C6orf52: variants seen among roughly 807,000 people sequenced by gnomAD.
C6orf52 encodes the protein chromosome 6 open reading frame 52.
In C6orf52, 16 loss-of-function variants were observed where a neutral mutation model predicts 16.6. The ratio of observed to expected loss-of-function variants is 0.96; its 90% CI spans 0.65 to 1.46. The LOEUF is 1.46. Ranked by LOEUF, C6orf52 falls within the 40% of genes most tolerant of loss-of-function variation. The pLI is 0.00. For missense variants in C6orf52, 166 were observed against 182.3 expected, an observed-to-expected ratio of 0.91 and a Z score of 0.52; for synonymous variants, 53 against 61.4, an observed-to-expected ratio of 0.86 and a Z score of 0.64.
At chr6:10,687,446 G>A in intron 2 of C6orf52, 34 bp downstream of exon 2, 1 of 1,421,008 alleles carries the variant, frequency 7.0e-7, no homozygotes, top group East Asian at 2.5e-5. Flanking sequence ...AACAGTAACA[G>A]CTTTCCTTTT....
At chr6:10,687,686 C>A in intron 1 of C6orf52, 125 bp from the exon 2 acceptor site, 12 of 651,686 alleles carry the variant, frequency 1.8e-5, no homozygotes, top group African/African-American at 5.6e-5. Context: ...CATTTAGTGG[C>A]AATTCCTGCT....
Position 10,671,478 on chromosome 6 carries a change from A to AT in C6orf52, c.436dup (p.Ile146AsnfsTer4). 1 of 1,547,458 alleles carries AT rather than the reference A, an allele frequency of 6.5e-7. No individual in the cohort carries two copies. Among genetic ancestry groups the AT allele is most frequent in the South Asian group, 1.2e-5 (1 of 82,916 alleles). ...GCTTCACTTCGGGGTCTCATCTGGG[A>AT]TTTCGGAGTGAACTGTGTCCAGAGG... is the stretch of plus-strand genomic sequence containing the variant. On this transcript the variant is annotated frameshift_variant, in exon 5 of 5. Coordinates refer to ENST00000259983, the MANE Select transcript of C6orf52 (RefSeq NM_001145020.3). LOFTEE classifies it high-confidence loss of function.
In C6orf52 at chr6:10,672,607, G is replaced by A. The variant is rs1245071549; in HGVS notation, c.317-1009C>T. 17 of 701,564 alleles carry A rather than the reference G, an allele frequency of 2.4e-5. No homozygotes were observed. The Admixed American group carries it at 3.0e-4, about 12-fold the overall frequency. 43.5% of individuals were successfully genotyped at this position (701,564 alleles called of 1,614,324 possible). On this transcript the variant is annotated intron_variant, in intron 4 of 4. Transcript: ENST00000259983. The stretch of plus-strand genomic sequence containing the variant: ...GAATTGCTTAAATCTGGGAGTTTGA[G>A]ATCAGCCTGGGCAACATACTGAGAC...
intron 4 of C6orf52, among the ~76,000 whole-genome samples, chr6:10,680,386 A>T (rs1214674546): frequency 6.6e-6 from 1 of 152,176 alleles, no homozygotes; most frequent in Non-Finnish European, 1.5e-5. Flanking sequence ...TTCATGACAG[A>T]TGATTTTGTC....
In C6orf52 at chr6:10,671,433, C is replaced by A. The variant is rs761728993; in HGVS notation, c.*23G>T. On this transcript the variant is annotated 3_prime_UTR_variant, in exon 5 of 5. Transcript: ENST00000259983. ...GACGACACAATTAGTATGATAATTG[C>A]GGAGTTTAATGAACACCTTGCTTCA... 2 of 1,511,476 alleles carry A rather than the reference C, an allele frequency of 1.3e-6. No homozygotes were observed. The highest frequency in any genetic ancestry group is 2.4e-5 in the Admixed American group (1 of 41,026). 93.6% of individuals were successfully genotyped at this position (1,511,476 alleles called of 1,614,324 possible). A position where few individuals can be genotyped will look rare whatever the true frequency, so the allele number is the denominator to read the frequency against.
At chr6:10,687,633 C>A in intron 1 of C6orf52, 72 bp from the exon 2 acceptor site, 1 of 847,030 alleles carries the variant, frequency 1.2e-6, no homozygotes, top group Admixed American at 2.2e-5. Flanking sequence ...TGAAACCTCT[C>A]AATCCTGACA....
intron 2 of C6orf52, 51 bp downstream of exon 2, chr6:10,687,429 C>T: frequency 7.7e-7 from 1 of 1,297,536 alleles, no homozygotes; most frequent in Admixed American, 2.0e-5. Context: ...AGTTATGTAG[C>T]AAATAGAACA....
At chr6:10,687,901 T>C (rs1319290495) in intron 1 of C6orf52, among the ~76,000 whole-genome samples, 1 of 152,108 alleles carries the variant, frequency 6.6e-6, no homozygotes, top group Admixed American at 6.6e-5. Flanking sequence ...CAATGAAGGA[T>C]AGTCTCCACT....
At chr6:10,680,400 G>A (rs1004178157) in intron 4 of C6orf52, among the ~76,000 whole-genome samples, 1 of 152,114 alleles carries the variant, frequency 6.6e-6, no homozygotes, top group Non-Finnish European at 1.5e-5. Context: ...TTTTGTCATT[G>A]TGCTGTTGAA....
intron 4 of C6orf52, among the ~76,000 whole-genome samples, chr6:10,673,001 G>A (rs922469684): frequency 6.6e-6 from 1 of 152,230 alleles, no homozygotes; most frequent in Non-Finnish European, 1.5e-5. Context: ...CTTCATTGGA[G>A]TCATTCATGA....
chr6:10,693,306 C>G (rs966760134), intron 1 of C6orf52, among the ~76,000 whole-genome samples: 4 of 152,336 alleles, frequency 2.6e-5, no homozygotes, highest in Admixed American at 1.3e-4. Flanking sequence ...ATTGAGCACC[C>G]TTTCTGCATA....
intron 1 of C6orf52, among the ~76,000 whole-genome samples, chr6:10,690,231 A>C (rs1053036194): frequency 6.6e-6 from 1 of 152,208 alleles, no homozygotes; most frequent in African/African-American, 2.4e-5. Flanking sequence ...GATGACAGTG[A>C]CAAGGGCTCA....
intron 4 of C6orf52, among the ~76,000 whole-genome samples, chr6:10,674,267 C>T (rs1057088620): frequency 3.9e-5 from 6 of 152,110 alleles, no homozygotes; most frequent in African/African-American, 1.4e-4. Context: ...CTAAAACTAT[C>T]ACATTGGGAG....
intron 1 of C6orf52, among the ~76,000 whole-genome samples, chr6:10,692,053 A>C (rs1188984740): frequency 6.6e-6 from 1 of 152,226 alleles, no homozygotes; most frequent in Non-Finnish European, 1.5e-5. Context: ...ACAAGTATTA[A>C]TACTTCTCAA....
intron 1 of C6orf52, among the ~76,000 whole-genome samples, chr6:10,691,385 T>C (rs987444895): frequency 2.0e-5 from 3 of 151,960 alleles, no homozygotes; most frequent in Admixed American, 6.6e-5. Flanking sequence ...AGGGTCGTGA[T>C]TGACTGAGCA....
chr6:10,685,177 TAG>T (rs1233455576), intron 3 of C6orf52, among the ~76,000 whole-genome samples: 2 of 149,268 alleles, frequency 1.3e-5, no homozygotes, highest in African/African-American at 5.0e-5. Flanking sequence ...CTTCTCTATT[TAG>T]AGATATAAGG....
intron 1 of C6orf52, among the ~76,000 whole-genome samples, chr6:10,691,292 T>C (rs1769277405): frequency 6.6e-6 from 1 of 152,144 alleles, no homozygotes; most frequent in South Asian, 2.1e-4. Context: ...TCGGCAAGAC[T>C]CACGTCTCCA....
Position 10,686,221 on chromosome 6 carries a change from A to T in C6orf52, c.270+745T>A, listed in dbSNP as rs564519260. 7.6e-4 allele frequency among the ~76,000 whole-genome samples: 115 copies of T among 152,310 alleles called. 5 individuals carry two copies. In the South Asian group the frequency reaches 0.023, roughly 31 times the overall value. ...CATAAGTGGACGATTTTTTAAAGAA[A>T]GGTCTCCTTATGCAGAAGCAAGCAA... On this transcript the variant is annotated intron_variant, in intron 3 of 4. Coordinates refer to ENST00000259983, the MANE Select transcript of C6orf52 (RefSeq NM_001145020.3).
intron 4 of C6orf52, among the ~76,000 whole-genome samples, chr6:10,672,895 C>T (rs1356897425): frequency 6.6e-6 from 1 of 152,188 alleles, no homozygotes; most frequent in African/African-American, 2.4e-5. Flanking sequence ...CCCTAGAAGA[C>T]TAATGCAGTA....
Sources: gnomAD v4.1 joint callset for allele counts (sites outside exome capture counted in the v4.1 genomes callset) on GRCh38, gnomAD v4.1.1 for gene constraint, MANE v1.5 for transcripts, NCBI Gene and HGNC (gene_info 2026-07-23, HGNC 2026-07-21) for gene names.